Variants in ADAMTSL1 observed in about 807,000 individuals in gnomAD.
The protein encoded by ADAMTSL1 is ADAMTS like 1.
ADAMTSL1 carries 126 observed loss-of-function variants against 201.8 expected under a neutral mutation model. That is an observed-to-expected ratio of 0.62 (90% CI 0.54 to 0.72). The LOEUF (loss-of-function observed/expected upper bound fraction) is 0.72, where lower values mean the gene tolerates loss of function less well. Among genes scored for constraint, ADAMTSL1 ranks in the 30% least tolerant of loss-of-function variants. ADAMTSL1 has a pLI of 0.00. For missense variants in ADAMTSL1, 2,679 were observed against 2,277.8 expected (o/e 1.18, Z -3.59); for synonymous variants, 1,121 against 903.4 (o/e 1.24, Z -4.32).
chr9:17,981,704 G>A (rs977127035), intron 1 of ADAMTSL1, among the ~76,000 whole-genome samples: 7 of 152,124 alleles, frequency 4.6e-5, no homozygotes, highest in Non-Finnish European at 7.4e-5. Context: ...TGCACTTGTG[G>A]TATAAATCTA....
At chr9:18,891,212 G>A (rs1281367827) in intron 25 of ADAMTSL1, among the ~76,000 whole-genome samples, 2 of 152,234 alleles carry the variant, frequency 1.3e-5, no homozygotes, top group South Asian at 2.1e-4. Context: ...CCTTTGACCC[G>A]TTTGCCTGCC....
chr9:18,567,132 A>G (rs946732335), intron 3 of ADAMTSL1, among the ~76,000 whole-genome samples: 2 of 152,134 alleles, frequency 1.3e-5, no homozygotes, highest in Non-Finnish European at 2.9e-5. Flanking sequence ...CCTTCAGGTG[A>G]TTTTGATGTA....
chr9:18,115,389 C>A (rs1825207936), intron 1 of ADAMTSL1, among the ~76,000 whole-genome samples: 1 of 152,078 alleles, frequency 6.6e-6, no homozygotes, highest in Non-Finnish European at 1.5e-5. Flanking sequence ...TCAGAAACTA[C>A]CTCAGAGATG....
At chr9:18,084,286 C>G (rs969270498) in intron 1 of ADAMTSL1, among the ~76,000 whole-genome samples, 7 of 152,084 alleles carry the variant, frequency 4.6e-5, no homozygotes, top group African/African-American at 1.7e-4. Context: ...CTTTGGGAGG[C>G]CAAGGCAGGT....
At chr9:18,057,589 G>A (rs1200555744) in intron 1 of ADAMTSL1, among the ~76,000 whole-genome samples, 1 of 152,104 alleles carries the variant, frequency 6.6e-6, no homozygotes, top group Non-Finnish European at 1.5e-5. Flanking sequence ...TGGTTAGAAC[G>A]AGTTTTTTAA....
chr9:18,199,740 T>A (rs1829354565), intron 2 of ADAMTSL1, among the ~76,000 whole-genome samples: 1 of 152,124 alleles, frequency 6.6e-6, no homozygotes, highest in South Asian at 2.1e-4. Context: ...TAGAGATATA[T>A]GCTGATCCTC....
chr9:18,821,421 CAG>C (rs1824203046), intron 21 of ADAMTSL1, among the ~76,000 whole-genome samples: 1 of 152,024 alleles, frequency 6.6e-6, no homozygotes, highest in South Asian at 2.1e-4. Context: ...GAGGGGAAAA[CAG>C]AATACGGAGG....
intron 8 of ADAMTSL1, among the ~76,000 whole-genome samples, chr9:18,659,043 C>T (rs1047942730): frequency 4.6e-5 from 7 of 152,094 alleles, no homozygotes; most frequent in Non-Finnish European, 8.8e-5. Flanking sequence ...GTTTTTCTAA[C>T]GTAATGGATA....
intron 23 of ADAMTSL1, among the ~76,000 whole-genome samples, chr9:18,835,391 C>G (rs948210234): frequency 6.6e-6 from 1 of 151,806 alleles, no homozygotes; most frequent in Non-Finnish European, 1.5e-5. Flanking sequence ...ATGTAATTTC[C>G]CAATACTTTG....
chr9:18,862,328 G>A (rs960037701), intron 23 of ADAMTSL1, among the ~76,000 whole-genome samples: 2 of 152,148 alleles, frequency 1.3e-5, no homozygotes, highest in Admixed American at 6.5e-5. Flanking sequence ...ATGCTGGCTC[G>A]GAGCTGCTGC....
rs538554687 is a variant in ADAMTSL1, at chr9:18,706,686, C to T, written c.1575-61C>T. The T allele has an allele frequency of 1.1e-4, 162 of 1,478,924 alleles. 1 individual carries two copies. In the African/African-American group the frequency reaches 1.2e-3, roughly 11 times the overall value. 91.6% of individuals were successfully genotyped at this position (1,478,924 alleles called of 1,614,324 possible). A position where few individuals can be genotyped will look rare whatever the true frequency, so the allele number is the denominator to read the frequency against. ...GCAGGTGGGATGCAGCCCCTCACAG[C>T]CCCCATGGCTTCCTGCCTGGGGCTT... is the stretch of plus-strand genomic sequence containing the variant. On this transcript the variant is annotated intron_variant, in intron 13 of 28. Coordinates refer to ENST00000380548, the MANE Select transcript of ADAMTSL1 (RefSeq NM_001040272.6).
intron 23 of ADAMTSL1, among the ~76,000 whole-genome samples, chr9:18,882,804 G>A (rs1828614879): frequency 6.6e-6 from 1 of 151,844 alleles, no homozygotes; most frequent in Non-Finnish European, 1.5e-5. Context: ...GACCAGCCTG[G>A]GCAACATAGC....
chr9:18,021,337 T>C (rs1820473486), intron 1 of ADAMTSL1, among the ~76,000 whole-genome samples: 1 of 152,150 alleles, frequency 6.6e-6, no homozygotes, highest in African/African-American at 2.4e-5. Context: ...AACAAATCAT[T>C]TTAAAAAGGA....
chr9:18,668,916 GT>G (rs1367274972), intron 9 of ADAMTSL1, among the ~76,000 whole-genome samples: 1 of 152,242 alleles, frequency 6.6e-6, no homozygotes, highest in East Asian at 1.9e-4. Flanking sequence ...GAGGTTAAGT[GT>G]TAGGGCCACT....
At chr9:18,691,332 G>A (rs925343781) in intron 13 of ADAMTSL1, among the ~76,000 whole-genome samples, 4 of 152,168 alleles carry the variant, frequency 2.6e-5, no homozygotes, top group Non-Finnish European at 5.9e-5. Context: ...TGAGGGGAAT[G>A]TTGATATGAA....
intron 21 of ADAMTSL1, among the ~76,000 whole-genome samples, chr9:18,818,727 C>T (rs1824016330): frequency 6.6e-6 from 1 of 152,060 alleles, no homozygotes; most frequent in Non-Finnish European, 1.5e-5. Context: ...GAGGTCAAGG[C>T]TGCAGTGAGC....
chr9:17,959,450 T>A (rs1817639292), intron 1 of ADAMTSL1, among the ~76,000 whole-genome samples: 1 of 152,104 alleles, frequency 6.6e-6, no homozygotes, highest in Non-Finnish European at 1.5e-5. Context: ...CTGATTTTTT[T>A]ATTTTTATTT....
chr9:18,035,324 T>C (rs1007470021), intron 1 of ADAMTSL1, among the ~76,000 whole-genome samples: 1 of 151,996 alleles, frequency 6.6e-6, no homozygotes, highest in African/African-American at 2.4e-5. Context: ...AGAAGAAAAA[T>C]GATGTGCTTC....
intron 19 of ADAMTSL1, among the ~76,000 whole-genome samples, chr9:18,783,960 T>C (rs1009887697): frequency 1.3e-5 from 2 of 152,214 alleles, no homozygotes; most frequent in African/African-American, 4.8e-5. Context: ...AAAATTCGTT[T>C]CATGGCTTGT....
Sources: gnomAD v4.1 joint callset for allele counts (sites outside exome capture counted in the v4.1 genomes callset) on GRCh38, gnomAD v4.1.1 for gene constraint, MANE v1.5 for transcripts, NCBI Gene and HGNC (gene_info 2026-07-23, HGNC 2026-07-21) for gene names.